The following FSTL5 variants were observed in gnomAD, a reference collection of about 807,000 sequenced individuals.
FSTL5 encodes follistatin-related protein 5.
In FSTL5, 62 loss-of-function variants were observed where a neutral mutation model predicts 89.1. The observed-to-expected ratio is 0.70, with a 90% CI of 0.57 to 0.86. The LOEUF (loss-of-function observed/expected upper bound fraction) is 0.86, where lower values mean the gene tolerates loss of function less well. Among genes scored for constraint, FSTL5 ranks in the 40% least tolerant of loss-of-function variants. The pLI, the probability that FSTL5 is intolerant of heterozygous loss-of-function variation, is 0.00. For missense variants in FSTL5, 1,057 were observed against 1,001.6 expected (o/e 1.06, Z -0.75); for synonymous variants, 383 against 346.2 (o/e 1.11, Z -1.18).
chr4:161,681,424 T>G (rs1737514372), intron 6 of FSTL5, among the ~76,000 whole-genome samples: 1 of 152,076 alleles, frequency 6.6e-6, no homozygotes, highest in South Asian at 2.1e-4. Flanking sequence ...TCAAATATGT[T>G]TGTGGTTATT....
At chr4:161,733,864 G>A (rs1739698989) in intron 6 of FSTL5, among the ~76,000 whole-genome samples, 1 of 151,974 alleles carries the variant, frequency 6.6e-6, no homozygotes, top group East Asian at 1.9e-4. Context: ...AATGTAGGGA[G>A]TTGTAGGAGT....
chr4:161,856,330 T>C (rs1163115176), intron 4 of FSTL5, among the ~76,000 whole-genome samples: 2 of 151,932 alleles, frequency 1.3e-5, no homozygotes, highest in Non-Finnish European at 2.9e-5. Context: ...CACAAACAAG[T>C]AGTTTATAGT....
intron 4 of FSTL5, among the ~76,000 whole-genome samples, chr4:161,801,596 T>G (rs918394740): frequency 6.6e-6 from 1 of 151,514 alleles, no homozygotes; most frequent in Non-Finnish European, 1.5e-5. Flanking sequence ...TATGTAGCCC[T>G]AAACATACTA....
intron 8 of FSTL5, among the ~76,000 whole-genome samples, chr4:161,555,896 C>T (rs1405372147): frequency 2.0e-5 from 3 of 151,420 alleles, no homozygotes; most frequent in African/African-American, 4.8e-5. Flanking sequence ...TTGTCAATAC[C>T]AACTGATTAG....
chr4:162,131,046 C>T (rs995110342), intron 1 of FSTL5, among the ~76,000 whole-genome samples: 1 of 152,100 alleles, frequency 6.6e-6, no homozygotes. Context: ...ATAAACATGT[C>T]ATTTGAATTA....
At chr4:161,933,565 G>GAA (rs562949014) in intron 3 of FSTL5, among the ~76,000 whole-genome samples, 1 of 146,216 alleles carries the variant, frequency 6.8e-6, no homozygotes, top group Non-Finnish European at 1.5e-5. Flanking sequence ...TATTTTGAGA[G>GAA]AAAAAAAAGC....
At chr4:161,767,136 A>G (rs1404966704) in intron 5 of FSTL5, among the ~76,000 whole-genome samples, 1 of 152,242 alleles carries the variant, frequency 6.6e-6, no homozygotes, top group East Asian at 1.9e-4. Flanking sequence ...ATAAGAAATT[A>G]TCATTAACCT....
At position 161,825,169 on chromosome 4, in the gene FSTL5, A is replaced by T. The variant is rs115949157; in HGVS notation, c.410-49095T>A. On this transcript the variant is annotated intron_variant, in intron 4 of 15. Coordinates refer to ENST00000306100, the MANE Select transcript of FSTL5 (RefSeq NM_020116.5). ...GATAAACATGTGATTTTTGCTTTTA[A>T]TTCTGTTTATGTGGCGTATCACATT... 6.3e-3 allele frequency among the ~76,000 whole-genome samples: 952 copies of T among 152,164 alleles called. 10 individuals carry two copies. The highest frequency in any genetic ancestry group is 0.022 in the African/African-American group (902 of 41,540).
chr4:161,815,326 A>G (rs1730290167), intron 4 of FSTL5, among the ~76,000 whole-genome samples: 1 of 152,044 alleles, frequency 6.6e-6, no homozygotes, highest in African/African-American at 2.4e-5. Flanking sequence ...GCTGATATGT[A>G]TTTTCAAATA....
Position 161,800,317 on chromosome 4 carries a change from G to T in FSTL5, c.410-24243C>A, listed in dbSNP as rs1268631775. ...GAAGCATGTCTAGAAAAGACCTAGA[G>T]AAAAATTTTGATATGACAAGTTAAT... On this transcript the variant is annotated intron_variant, in intron 4 of 15. Coordinates refer to ENST00000306100, the MANE Select transcript of FSTL5 (RefSeq NM_020116.5). 2.6e-5 allele frequency among the ~76,000 whole-genome samples: 4 copies of T among 151,610 alleles called. No homozygotes were observed. In the East Asian group the frequency reaches 7.7e-4, roughly 29 times the overall value.
At position 161,385,054 on chromosome 4, in the gene FSTL5, A is replaced by G. The variant is rs1730565173; in HGVS notation, c.*693T>C. 6.6e-6 allele frequency: 1 copy of G among 152,254 alleles called. No homozygotes were observed. 9.4% of individuals were successfully genotyped at this position (152,254 alleles called of 1,614,324 possible). ...TTTCCTCCCTTCCTCCCCACTTTCT[A>G]TAGCATGCTGCAGATTATACAGTAA... On this transcript the variant is annotated 3_prime_UTR_variant, in exon 16 of 16. Coordinates refer to ENST00000306100, the MANE Select transcript of FSTL5 (RefSeq NM_020116.5).
chr4:161,703,487 G>A (rs1738472015), intron 6 of FSTL5, among the ~76,000 whole-genome samples: 1 of 152,042 alleles, frequency 6.6e-6, no homozygotes, highest in South Asian at 2.1e-4. Context: ...TTACCCTTGA[G>A]CTCAGGTAAA....
chr4:162,025,227 T>C (rs1436715912), intron 3 of FSTL5, among the ~76,000 whole-genome samples: 1 of 152,158 alleles, frequency 6.6e-6, no homozygotes, highest in Non-Finnish European at 1.5e-5. Flanking sequence ...AATTGTAACT[T>C]ATAACTTTGT....
At chr4:162,108,644 A>C (rs535315395) in intron 2 of FSTL5, among the ~76,000 whole-genome samples, 1 of 152,048 alleles carries the variant, frequency 6.6e-6, no homozygotes, top group East Asian at 1.9e-4. Context: ...ATAGGTTAAA[A>C]ATAATGAATA....
At chr4:161,880,217 T>C (rs989274483) in intron 4 of FSTL5, among the ~76,000 whole-genome samples, 1 of 152,092 alleles carries the variant, frequency 6.6e-6, no homozygotes, top group Non-Finnish European at 1.5e-5. Context: ...CCTTGGGTGT[T>C]CCATGATATA....
chr4:161,825,458 T>C (rs1425964446), intron 4 of FSTL5, among the ~76,000 whole-genome samples: 2 of 152,146 alleles, frequency 1.3e-5, no homozygotes, highest in Non-Finnish European at 2.9e-5. Context: ...ATAGTATCAA[T>C]AGGATTGGTA....
At chr4:161,679,106 GT>G (rs1350263095) in intron 6 of FSTL5, among the ~76,000 whole-genome samples, 3 of 151,588 alleles carry the variant, frequency 2.0e-5, no homozygotes, top group African/African-American at 7.3e-5. Flanking sequence ...AAGATCTTAA[GT>G]AATTTTTCAA....
At chr4:161,763,591 A>C (rs1740881599) in intron 5 of FSTL5, among the ~76,000 whole-genome samples, 1 of 152,004 alleles carries the variant, frequency 6.6e-6, no homozygotes, top group Non-Finnish European at 1.5e-5. Flanking sequence ...CCACTTATTT[A>C]CTCTCTTTGG....
intron 3 of FSTL5, among the ~76,000 whole-genome samples, chr4:161,939,571 C>T (rs1019404571): frequency 1.4e-4 from 21 of 151,904 alleles, no homozygotes; most frequent in African/African-American, 4.8e-4. Context: ...TGACACACTT[C>T]ATAACTCTGG....
Sources: gnomAD v4.1 joint callset for allele counts (sites outside exome capture counted in the v4.1 genomes callset) on GRCh38, gnomAD v4.1.1 for gene constraint, MANE v1.5 for transcripts, NCBI Gene and HGNC (gene_info 2026-07-23, HGNC 2026-07-21) for gene names.